The following LRRK2 variants were observed in gnomAD, a reference collection of about 807,000 sequenced individuals.
LRRK2 encodes leucine rich repeat kinase 2.
In LRRK2, 203 loss-of-function variants were observed where a neutral mutation model predicts 302.6. The observed-to-expected ratio is 0.67, with a 90% confidence interval of 0.60 to 0.75. The LOEUF (loss-of-function observed/expected upper bound fraction) is 0.75, where lower values mean the gene tolerates loss of function less well. LRRK2 is among the 30% of genes least tolerant of loss of function. The pLI, the probability that LRRK2 is intolerant of heterozygous loss-of-function variation, is 0.00. For missense variants in LRRK2, 2,830 were observed against 2,951.0 expected (o/e 0.96, Z 0.95); for synonymous variants, 1,066 against 1,031.9 (o/e 1.03, Z -0.63).
At chr12:40,286,768 G>A (rs1243621220) in intron 19 of LRRK2, 1 of 155,234 alleles carries the variant, frequency 6.4e-6, no homozygotes, top group African/African-American at 2.4e-5. Flanking sequence ...ATTCTTCATA[G>A]TAGAGCTAAT....
At position 40,235,122 on chromosome 12, in the gene LRRK2, G is replaced by C. The variant is rs192466118; in HGVS notation, c.348-504G>C. Among the ~76,000 whole-genome samples the C allele has an allele frequency of 1.1e-3, 163 of 152,212 alleles. 3 individuals carry two copies. Among genetic ancestry groups the C allele is most frequent in the African/African-American group, 3.9e-3 (160 of 41,524 alleles). Reference sequence around the variant, plus strand: ...ATTGTGAATTATTCACCACAATCAAGCTAATTAACATTCCCTGTTAGTTTT... The same window carrying C: ...ATTGTGAATTATTCACCACAATCAACCTAATTAACATTCCCTGTTAGTTTT... On this transcript the variant is annotated intron_variant, in intron 3 of 50. Coordinates refer to ENST00000298910, the MANE Select transcript of LRRK2 (RefSeq NM_198578.4).
chr12:40,254,293 T>C (rs2136492383), intron 11 of LRRK2, among the ~76,000 whole-genome samples: 1 of 152,272 alleles, frequency 6.6e-6, no homozygotes, highest in South Asian at 2.1e-4. Flanking sequence ...ACCTCATGCA[T>C]GTTTCTTTAT....
chr12:40,262,596 C>T (rs142644739), intron 13 of LRRK2, among the ~76,000 whole-genome samples: 1 of 152,086 alleles, frequency 6.6e-6, no homozygotes, highest in Admixed American at 6.5e-5. Flanking sequence ...GTCCACACGA[C>T]CTAAAGGACT....
At chr12:40,264,286 A>C (rs2136543842) in intron 14 of LRRK2, among the ~76,000 whole-genome samples, 1 of 152,176 alleles carries the variant, frequency 6.6e-6, no homozygotes, top group South Asian at 2.1e-4. Flanking sequence ...TTCTGGTCTC[A>C]TAGTATATGG....
chr12:40,299,157 G>T lies in LRRK2; in HGVS notation c.3396G>T (p.Lys1132Asn), dbSNP rs1418765716. Reference sequence around the variant, plus strand: ...CCCCCTTGAGACTGAAGGAACTGAAGATTTTAAACCTTAGTAAGAACCACA... The same window carrying T: ...CCCCCTTGAGACTGAAGGAACTGAATATTTTAAACCTTAGTAAGAACCACA... ...ICSPLRLKEL[K>N]ILNLSKNHIS... Residue 1132 changes from lysine to asparagine, a missense_variant, in exon 25 of 51, where the codon AAG (lysine) becomes AAT (asparagine). This residue lies in a region of LRRK2 where 2,121 missense variants were observed against 2,148.0 expected (regional missense o/e 0.99). Coordinates refer to ENST00000298910, the MANE Select transcript of LRRK2 (RefSeq NM_198578.4). The T allele has an allele frequency of 1.2e-6, 2 of 1,613,276 alleles. No individual in the cohort carries two copies. Among genetic ancestry groups the T allele is most frequent in the African/African-American group, 1.3e-5 (1 of 74,798 alleles).
chr12:40,345,048 T>A (rs1029765735), intron 41 of LRRK2, among the ~76,000 whole-genome samples: 2 of 152,150 alleles, frequency 1.3e-5, no homozygotes, highest in Non-Finnish European at 2.9e-5. Flanking sequence ...TTGCTGGTAG[T>A]CTCTCTGTCA....
chr12:40,310,382 G>A (rs750346691), intron 30 of LRRK2, 49 bp from the exon 31 acceptor site: 2 of 1,567,246 alleles, frequency 1.3e-6, no homozygotes, highest in Non-Finnish European at 1.8e-6. Context: ...AATGTGAGCA[G>A]GCCCAGTTTG....
chr12:40,234,690 T>TATATC (rs1282059574), intron 3 of LRRK2, among the ~76,000 whole-genome samples: 1 of 152,160 alleles, frequency 6.6e-6, no homozygotes. Context: ...TACTTTTTAA[T>TATATC]ATATCATTAA....
chr12:40,325,075 C>G (rs1050656538), intron 38 of LRRK2, among the ~76,000 whole-genome samples: 1 of 152,090 alleles, frequency 6.6e-6, no homozygotes, highest in Non-Finnish European at 1.5e-5. Flanking sequence ...ATCACGAGGT[C>G]AGGAGTTGAA....
At chr12:40,365,355 CT>C (rs1385299847) in intron 49 of LRRK2, 3 of 261,306 alleles carry the variant, frequency 1.1e-5, no homozygotes, top group African/African-American at 6.8e-5. Flanking sequence ...ATATATTTTA[CT>C]TTTTGAGCAA....
intron 38 of LRRK2, among the ~76,000 whole-genome samples, chr12:40,325,561 C>T (rs1945523959): frequency 6.6e-6 from 1 of 152,174 alleles, no homozygotes; most frequent in African/African-American, 2.4e-5. Flanking sequence ...CTCCCCTTCC[C>T]TCAGATGTGA....
At chr12:40,264,465 A>G (rs1467941384) in intron 14 of LRRK2, among the ~76,000 whole-genome samples, 2 of 152,242 alleles carry the variant, frequency 1.3e-5, no homozygotes, top group Non-Finnish European at 2.9e-5. Context: ...CTAAAAATAC[A>G]AAAATTAACT....
rs1944354786 is a variant in LRRK2, at chr12:40,295,604, A to G, written c.3056A>G (p.His1019Arg). The change falls in exon 23 of 51, where the codon CAC becomes CGC. Residue 1019 changes from histidine (H) to arginine (R), a missense_variant. Transcript: ENST00000298910. ...GAGCATCTTGAAAAGCTGGAGCTTC[A>G]CCAGAATGCACTCACGAGCTTTCCA... ...HLEHLEKLEL[H>R]QNALTSFPQQ... 2 of 1,614,030 alleles carry G rather than the reference A, an allele frequency of 1.2e-6. No individual in the cohort carries two copies. The highest frequency in any genetic ancestry group is 1.1e-5 in the South Asian group (1 of 91,082).
chr12:40,350,044 A>C (rs2136987898), intron 43 of LRRK2, among the ~76,000 whole-genome samples: 1 of 152,316 alleles, frequency 6.6e-6, no homozygotes, highest in East Asian at 1.9e-4. Context: ...ATTTTTCAGC[A>C]ACCTTTTGCT....
intron 4 of LRRK2, among the ~76,000 whole-genome samples, chr12:40,236,895 T>C (rs1487488166): frequency 2.6e-5 from 4 of 151,998 alleles, no homozygotes; most frequent in African/African-American, 7.3e-5. Flanking sequence ...CATTTGGCGA[T>C]GGACAGGAAG....
chr12:40,283,198 G>A (rs1351100291), intron 18 of LRRK2, among the ~76,000 whole-genome samples: 2 of 152,156 alleles, frequency 1.3e-5, no homozygotes, highest in Non-Finnish European at 2.9e-5. Context: ...CCAGCATGCA[G>A]TGCCACAGCT....
Position 40,298,363 on chromosome 12 carries a change from T to C in LRRK2, c.3217T>C (p.Ser1073Pro). ...TGTCTCTCGAAATGACATTGGACCC[T>C]CAGTGGTTTTAGATCCTACAGTGAA... ...LDVSRNDIGPSVVLDPTVKCP... is the reference protein window; with the variant it reads ...LDVSRNDIGPPVVLDPTVKCP... Residue 1073 changes from serine (S) to proline (P), a missense_variant, in exon 24 of 51, where the codon TCA (serine) becomes CCA (proline). This residue lies in a region of LRRK2 where 2,121 missense variants were observed against 2,148.0 expected (regional missense o/e 0.99). Transcript: ENST00000298910. The C allele has an allele frequency of 1.2e-6, 2 of 1,614,012 alleles. No homozygotes were observed. Among genetic ancestry groups the C allele is most frequent in the Non-Finnish European group, 1.7e-6 (2 of 1,179,962 alleles).
chr12:40,358,392 A>C (rs1946607485), intron 46 of LRRK2, among the ~76,000 whole-genome samples: 1 of 152,012 alleles, frequency 6.6e-6, no homozygotes, highest in Admixed American at 6.5e-5. Flanking sequence ...ATCCATCTTG[A>C]GTTGAATTTT....
chr12:40,328,676 C>T (rs1184663757), intron 39 of LRRK2, among the ~76,000 whole-genome samples: 2 of 152,192 alleles, frequency 1.3e-5, no homozygotes, highest in African/African-American at 2.4e-5. Flanking sequence ...TCCTTATAAT[C>T]GTGATACATA....
Sources: gnomAD v4.1 joint callset for allele counts (sites outside exome capture counted in the v4.1 genomes callset) on GRCh38, gnomAD v4.1.1 for gene constraint, gnomAD v4.1.1 regional missense constraint, MANE v1.5 for transcripts, NCBI Gene and HGNC (gene_info 2026-07-23, HGNC 2026-07-21) for gene names.